PRKCE: variants seen among roughly 807,000 people sequenced by gnomAD.
The protein encoded by PRKCE is protein kinase C epsilon, also known as protein kinase C epsilon type.
In PRKCE, 16 loss-of-function variants were observed where a neutral mutation model predicts 85.4. The ratio of observed to expected loss-of-function variants is 0.19; its 90% CI spans 0.13 to 0.28. The LOEUF is 0.28. Ranked by LOEUF, PRKCE falls within the 10% of genes least tolerant of loss-of-function variation. The pLI is 1.00. For missense variants in PRKCE, 573 were observed against 975.2 expected, an observed-to-expected ratio of 0.59 and a Z score of 5.49; for synonymous variants, 388 against 371.5, an observed-to-expected ratio of 1.04 and a Z score of -0.51.
intron 1 of PRKCE, among the ~76,000 whole-genome samples, chr2:45,655,092 A>G (rs1452188848): frequency 6.6e-6 from 1 of 152,178 alleles, no homozygotes; most frequent in African/African-American, 2.4e-5. Flanking sequence ...CGCACTTTGA[A>G]TTCACTTGTA....
intron 2 of PRKCE, among the ~76,000 whole-genome samples, chr2:45,872,669 T>G (rs1266651482): frequency 6.6e-6 from 1 of 152,066 alleles, no homozygotes; most frequent in African/African-American, 2.4e-5. Flanking sequence ...ATGCCAGAAG[T>G]GGATTGGAGA....
chr2:45,759,818 G>T lies in PRKCE; in HGVS notation c.349-83182G>T, dbSNP rs1573234336. ...GGAGTCCGGCATTCAGAGATGCAGG[G>T]AGGGGCGGTGGAATCTCTTGGAGGA... On this transcript the variant is annotated intron_variant, in intron 1 of 14. Transcript: ENST00000306156. Among the ~76,000 whole-genome samples the T allele has an allele frequency of 5.3e-5, 8 of 152,336 alleles. 2 individuals are homozygous for T. The highest frequency in any genetic ancestry group is 5.2e-4 in the Admixed American group (8 of 15,302).
At chr2:45,990,440 A>G (rs774877652) in intron 6 of PRKCE, among the ~76,000 whole-genome samples, 1 of 152,280 alleles carries the variant, frequency 6.6e-6, no homozygotes, top group South Asian at 2.1e-4. Flanking sequence ...CATGAACACT[A>G]TGAGGCAGGG....
intron 1 of PRKCE, among the ~76,000 whole-genome samples, chr2:45,719,787 C>T (rs1454795453): frequency 6.6e-6 from 1 of 152,110 alleles, no homozygotes; most frequent in Non-Finnish European, 1.5e-5. Context: ...TGGCCAAGTG[C>T]CGTGGCTCTT....
At chr2:46,123,773 A>C (rs1673580528) in intron 11 of PRKCE, among the ~76,000 whole-genome samples, 1 of 152,216 alleles carries the variant, frequency 6.6e-6, no homozygotes, top group South Asian at 2.1e-4. Context: ...GGCATGAGCC[A>C]CTGTGCCCTG....
intron 10 of PRKCE, among the ~76,000 whole-genome samples, chr2:46,079,141 A>C (rs555434946): frequency 1.4e-5 from 2 of 146,678 alleles, no homozygotes; most frequent in Non-Finnish European, 3.0e-5. Flanking sequence ...ATGCCACTGC[A>C]CTCCAGCCTG....
chr2:45,770,357 T>G (rs1227216066), intron 1 of PRKCE, among the ~76,000 whole-genome samples: 1 of 152,198 alleles, frequency 6.6e-6, no homozygotes, highest in Non-Finnish European at 1.5e-5. Flanking sequence ...AGGGACATGA[T>G]GTCACTCTTC....
chr2:45,988,747 A>T (rs1703553053), intron 6 of PRKCE, among the ~76,000 whole-genome samples: 1 of 152,086 alleles, frequency 6.6e-6, no homozygotes, highest in African/African-American at 2.4e-5. Context: ...ACCACTATTA[A>T]ACAGTCCAGA....
intron 11 of PRKCE, among the ~76,000 whole-genome samples, chr2:46,113,387 T>C (rs1478056380): frequency 6.6e-6 from 1 of 152,242 alleles, no homozygotes; most frequent in Non-Finnish European, 1.5e-5. Context: ...TTTAGTCACC[T>C]GAAAATATTT....
At chr2:45,838,799 C>T (rs903164945) in intron 1 of PRKCE, among the ~76,000 whole-genome samples, 36 of 152,180 alleles carry the variant, frequency 2.4e-4, no homozygotes, top group African/African-American at 8.7e-4. Flanking sequence ...ATTTGATATT[C>T]ACAACAACAC....
At chr2:45,851,767 C>G (rs1402523943) in intron 2 of PRKCE, 4 of 152,238 alleles carry the variant, frequency 2.6e-5, no homozygotes, top group Admixed American at 2.6e-4. Context: ...AATCCACAGA[C>G]CACGTCTAAT....
Position 45,968,722 on chromosome 2 carries a change from C to T in PRKCE, c.413-7707C>T, listed in dbSNP as rs867313720. 5.3e-5 allele frequency among the ~76,000 whole-genome samples: 8 copies of T among 152,286 alleles called. No individual in the cohort carries two copies. The Middle Eastern group carries it at 0.014, about 259-fold the overall frequency. ...ACTGAGGTTGTGGGTGCCCCTGACC[C>T]CACATGAGGAGGGCGTTCAGTTTTT... On this transcript the variant is annotated intron_variant, in intron 2 of 14. Transcript: ENST00000306156.
At chr2:45,743,263 A>G (rs1682731208) in intron 1 of PRKCE, among the ~76,000 whole-genome samples, 1 of 152,176 alleles carries the variant, frequency 6.6e-6, no homozygotes, top group South Asian at 2.1e-4. Flanking sequence ...GATCTTAACT[A>G]TACTCACCAT....
At chr2:45,966,204 A>G (rs1701716829) in intron 2 of PRKCE, among the ~76,000 whole-genome samples, 1 of 152,140 alleles carries the variant, frequency 6.6e-6, no homozygotes, top group Admixed American at 6.5e-5. Flanking sequence ...TATTAGAGGA[A>G]GTATGTAAGA....
chr2:45,926,884 A>C (rs1407666999), intron 2 of PRKCE, among the ~76,000 whole-genome samples: 1 of 152,024 alleles, frequency 6.6e-6, no homozygotes, highest in Non-Finnish European at 1.5e-5. Context: ...GGATGGTGAG[A>C]AGTATAGAAT....
intron 2 of PRKCE, among the ~76,000 whole-genome samples, chr2:45,918,005 T>C (rs943113921): frequency 4.6e-5 from 7 of 152,222 alleles, no homozygotes; most frequent in East Asian, 1.9e-4. Context: ...CCCGGAACTC[T>C]AGCTGGCCCG....
intron 2 of PRKCE, among the ~76,000 whole-genome samples, chr2:45,973,321 A>G: frequency 6.6e-6 from 1 of 152,178 alleles, no homozygotes; most frequent in East Asian, 1.9e-4. Flanking sequence ...TCCTGCCCAG[A>G]GGAATGTGGA....
At chr2:45,969,449 T>C (rs887816238) in intron 2 of PRKCE, among the ~76,000 whole-genome samples, 2 of 152,118 alleles carry the variant, frequency 1.3e-5, no homozygotes, top group African/African-American at 4.8e-5. Context: ...GCTGAGTGCA[T>C]CCAGTGCCAG....
intron 2 of PRKCE, among the ~76,000 whole-genome samples, chr2:45,865,885 A>C (rs1326083865): frequency 6.7e-6 from 1 of 149,258 alleles, no homozygotes; most frequent in African/African-American, 2.5e-5. Context: ...TGATACAATT[A>C]AAATTCACTG....
Sources: allele counts gnomAD v4.1 joint callset (sites outside exome capture counted in the v4.1 genomes callset), GRCh38; gene constraint gnomAD v4.1.1; transcripts MANE v1.5; gene names NCBI Gene and HGNC (gene_info 2026-07-23, HGNC 2026-07-21).